The following DLG2 variants were observed in gnomAD, a reference collection of about 807,000 sequenced individuals.
DLG2 encodes disks large homolog 2.
Under a neutral mutation model 132.5 loss-of-function variants are expected in DLG2, and 45 were observed. That is an observed-to-expected ratio of 0.34 (90% CI 0.27 to 0.44). The LOEUF (loss-of-function observed/expected upper bound fraction) is 0.44, where lower values mean the gene tolerates loss of function less well. Ranked by LOEUF, DLG2 falls within the 20% of genes least tolerant of loss-of-function variation. DLG2 has a pLI of 1.00. For missense variants in DLG2, 1,045 were observed against 1,196.9 expected, an observed-to-expected ratio of 0.87 and a Z score of 1.87; for synonymous variants, 424 against 419.6, an observed-to-expected ratio of 1.01 and a Z score of -0.13.
At chr11:84,287,579 A>G (rs998103290) in intron 7 of DLG2, among the ~76,000 whole-genome samples, 3 of 152,070 alleles carry the variant, frequency 2.0e-5, no homozygotes, top group Admixed American at 6.6e-5. Flanking sequence ...TAATCAATGT[A>G]TCTTCACTGG....
chr11:84,052,000 G>C (rs1474040005), intron 11 of DLG2, among the ~76,000 whole-genome samples: 1 of 151,766 alleles, frequency 6.6e-6, no homozygotes, highest in Non-Finnish European at 1.5e-5. Context: ...GCAGGAGTAG[G>C]TCATATGGGT....
chr11:83,806,646 G>C (rs371972307), intron 17 of DLG2, among the ~76,000 whole-genome samples: 19 of 152,238 alleles, frequency 1.2e-4, no homozygotes, highest in African/African-American at 3.4e-4. Context: ...ACTGTTTCAG[G>C]CTTCTTGTTT....
At chr11:84,349,224 A>G (rs1460600572) in intron 7 of DLG2, among the ~76,000 whole-genome samples, 1 of 152,150 alleles carries the variant, frequency 6.6e-6, no homozygotes, top group African/African-American at 2.4e-5. Flanking sequence ...TTATTAGTAA[A>G]GCCAGAAGTA....
chr11:85,281,948 GAATC>G (rs1210947661), intron 4 of DLG2, among the ~76,000 whole-genome samples: 1 of 151,824 alleles, frequency 6.6e-6, no homozygotes, highest in Non-Finnish European at 1.5e-5. Flanking sequence ...CCAAGATATG[GAATC>G]AATCAAAGTG....
At chr11:84,907,613 C>T (rs1327662878) in intron 6 of DLG2, among the ~76,000 whole-genome samples, 3 of 152,024 alleles carry the variant, frequency 2.0e-5, no homozygotes, top group African/African-American at 7.2e-5. Context: ...CTAATTTTGC[C>T]TGGGATAGGA....
chr11:84,618,752 C>A (rs1366807091), intron 6 of DLG2, among the ~76,000 whole-genome samples: 1 of 151,928 alleles, frequency 6.6e-6, no homozygotes, highest in Non-Finnish European at 1.5e-5. Flanking sequence ...AAATATGAGA[C>A]CACCATCAAG....
chr11:85,611,970 G>C (rs921675531), intron 2 of DLG2, among the ~76,000 whole-genome samples: 2 of 152,086 alleles, frequency 1.3e-5, no homozygotes, highest in Admixed American at 1.3e-4. Flanking sequence ...GAGAAAAAGA[G>C]AGATAGGAAG....
chr11:84,688,554 G>T (rs2057637809), intron 6 of DLG2, among the ~76,000 whole-genome samples: 1 of 152,118 alleles, frequency 6.6e-6, no homozygotes, highest in Admixed American at 6.5e-5. Flanking sequence ...GAGATATGAA[G>T]ATAAATAAAA....
chr11:85,596,828 C>G (rs200438060), intron 3 of DLG2, among the ~76,000 whole-genome samples: 5 of 152,148 alleles, frequency 3.3e-5, no homozygotes, highest in Non-Finnish European at 5.9e-5. Flanking sequence ...ACAGTAAGAC[C>G]GCCCAAACAT....
At chr11:83,817,682 C>T (rs2049428816) in intron 17 of DLG2, among the ~76,000 whole-genome samples, 1 of 151,982 alleles carries the variant, frequency 6.6e-6, no homozygotes, top group Non-Finnish European at 1.5e-5. Flanking sequence ...GAAAAACAGC[C>T]TGGGCAACAT....
chr11:84,478,701 G>A (rs1219350771), intron 7 of DLG2, among the ~76,000 whole-genome samples: 6 of 151,918 alleles, frequency 3.9e-5, no homozygotes, highest in South Asian at 2.1e-4. Flanking sequence ...AGTTAATGCC[G>A]GGACTAGAAA....
Position 84,883,361 on chromosome 11 carries a change from C to T in DLG2, c.357+228300G>A, listed in dbSNP as rs369027354. Reference sequence around the variant, plus strand: ...CATTAAGACAAATACCTAATGTATGCGGGGCTTAAAACCTAGATGACGGGT... The same window carrying T: ...CATTAAGACAAATACCTAATGTATGTGGGGCTTAAAACCTAGATGACGGGT... On this transcript the variant is annotated intron_variant, in intron 6 of 27. Coordinates refer to ENST00000376104, the MANE Select transcript of DLG2 (RefSeq NM_001142699.3). Among the ~76,000 whole-genome samples, 9 of 151,840 alleles carry T rather than the reference C, an allele frequency of 5.9e-5. No individual in the cohort carries two copies. In the East Asian group the frequency reaches 1.4e-3, roughly 23 times the overall value.
intron 6 of DLG2, among the ~76,000 whole-genome samples, chr11:84,943,598 G>A (rs2049785217): frequency 6.6e-6 from 1 of 151,990 alleles, no homozygotes; most frequent in Admixed American, 6.6e-5. Context: ...AACAAGCAGA[G>A]GAGCAAAAAG....
intron 7 of DLG2, among the ~76,000 whole-genome samples, chr11:84,415,972 C>G (rs945058392): frequency 3.9e-5 from 6 of 152,112 alleles, no homozygotes; most frequent in African/African-American, 1.4e-4. Flanking sequence ...TCCTCCTTCT[C>G]TAATAATTTT....
intron 6 of DLG2, among the ~76,000 whole-genome samples, chr11:84,991,106 A>T (rs1298552502): frequency 6.6e-6 from 1 of 152,224 alleles, no homozygotes; most frequent in African/African-American, 2.4e-5. Context: ...AATATATACC[A>T]AAAGGTTACA....
intron 6 of DLG2, among the ~76,000 whole-genome samples, chr11:84,747,893 T>C (rs907959578): frequency 6.6e-6 from 1 of 152,172 alleles, no homozygotes; most frequent in Non-Finnish European, 1.5e-5. Flanking sequence ...GTTCTGCGCC[T>C]AATAGAAGGA....
At chr11:84,284,898 A>G (rs1029166341) in intron 7 of DLG2, among the ~76,000 whole-genome samples, 1 of 152,224 alleles carries the variant, frequency 6.6e-6, no homozygotes, top group Admixed American at 6.5e-5. Context: ...CATATAACAA[A>G]GGACACCAAA....
chr11:83,643,809 C>G (rs2067298353), intron 18 of DLG2: 1 of 151,998 alleles, frequency 6.6e-6, no homozygotes, highest in Non-Finnish European at 1.5e-5. Context: ...AGCTGGGACT[C>G]AAACTCAAAT....
At chr11:84,743,152 C>T (rs942689991) in intron 6 of DLG2, among the ~76,000 whole-genome samples, 1 of 152,110 alleles carries the variant, frequency 6.6e-6, no homozygotes, top group African/African-American at 2.4e-5. Context: ...CACCCAGTTT[C>T]CCCTATTAGT....
Sources: gnomAD v4.1 joint callset for allele counts (sites outside exome capture counted in the v4.1 genomes callset) on GRCh38, gnomAD v4.1.1 for gene constraint, MANE v1.5 for transcripts, NCBI Gene and HGNC (gene_info 2026-07-23, HGNC 2026-07-21) for gene names.